ANKHD1: variants seen among roughly 807,000 people sequenced by gnomAD.
ANKHD1 encodes the protein ankyrin repeat and KH domain containing 1.
ANKHD1 carries 31 observed loss-of-function variants against 230.5 expected under a neutral mutation model. The observed-to-expected ratio is 0.13, with a 90% confidence interval of 0.10 to 0.18. The LOEUF is 0.18. Among genes scored for constraint, ANKHD1 ranks in the 10% least tolerant of loss-of-function variants. The probability of loss-of-function intolerance (pLI) is 1.00; values close to 1 mark genes in which losing one functional copy is unlikely to be tolerated. For missense variants in ANKHD1, 2,256 were observed against 3,071.3 expected (o/e 0.73, Z 6.27); for synonymous variants, 1,074 against 1,117.6 (o/e 0.96, Z 0.78).
intron 14 of ANKHD1, among the ~76,000 whole-genome samples, chr5:140,492,321 TG>T (rs1751844420): frequency 6.6e-6 from 1 of 152,208 alleles, no homozygotes; most frequent in Non-Finnish European, 1.5e-5. Context: ...TCTGTTAACA[TG>T]TAACACAGAT....
rs1561846599 is a variant in ANKHD1, at chr5:140,539,689, T to G, written c.*271T>G. The G allele has an allele frequency of 6.1e-6, 2 of 325,338 alleles. No homozygotes were observed. The highest frequency in any genetic ancestry group is 5.6e-6 in the Non-Finnish European group (1 of 178,782). 20.2% of individuals were successfully genotyped at this position (325,338 alleles called of 1,614,324 possible). On this transcript the variant is annotated 3_prime_UTR_variant, in exon 34 of 34. Coordinates refer to ENST00000360839, the MANE Select transcript of ANKHD1 (RefSeq NM_017747.3). ...TGTATGCAGAAGAGAATTAGTTGATTACATGTTTCAACCTTTTAGGGTGAT... is the reference window on the plus strand; with the variant it reads ...TGTATGCAGAAGAGAATTAGTTGATGACATGTTTCAACCTTTTAGGGTGAT...
intron 9 of ANKHD1, among the ~76,000 whole-genome samples, chr5:140,460,204 T>C (rs1775602759): frequency 6.6e-6 from 1 of 152,172 alleles, no homozygotes; most frequent in Non-Finnish European, 1.5e-5. Flanking sequence ...TATTTGTGCT[T>C]TATTATTAAG....
At chr5:140,415,978 C>T (rs1420968531) in intron 1 of ANKHD1, among the ~76,000 whole-genome samples, 1 of 152,100 alleles carries the variant, frequency 6.6e-6, no homozygotes, top group East Asian at 1.9e-4. Flanking sequence ...TGATGTTCCC[C>T]ACCCTGTGTC....
At chr5:140,429,125 G>A (rs374113814) in intron 1 of ANKHD1, among the ~76,000 whole-genome samples, 2 of 135,610 alleles carry the variant, frequency 1.5e-5, no homozygotes, top group South Asian at 2.3e-4. Context: ...ATGGAGTCTC[G>A]CTCTGTTGTC....
intron 7 of ANKHD1, among the ~76,000 whole-genome samples, chr5:140,455,854 G>C (rs1038002223): frequency 2.0e-5 from 3 of 152,186 alleles, no homozygotes; most frequent in Admixed American, 2.0e-4. Flanking sequence ...AGTGTTGGAA[G>C]TTCTGGCCAG....
chr5:140,539,185 A>G, intron 33 of ANKHD1, 102 bp downstream of exon 33: 7 of 1,511,428 alleles, frequency 4.6e-6, no homozygotes, highest in Non-Finnish European at 5.3e-6. Flanking sequence ...ATAATTGACC[A>G]TTTCGATCTG....
chr5:140,419,225 A>T (rs187554168), intron 1 of ANKHD1, among the ~76,000 whole-genome samples: 4 of 151,022 alleles, frequency 2.6e-5, no homozygotes, highest in African/African-American at 9.7e-5. Flanking sequence ...ATGATTAATG[A>T]TGTTGAGCAT....
intron 1 of ANKHD1, among the ~76,000 whole-genome samples, chr5:140,412,128 C>A (rs888487471): frequency 1.3e-5 from 2 of 152,160 alleles, no homozygotes; most frequent in African/African-American, 4.8e-5. Flanking sequence ...CCTCCGCCTC[C>A]TGGGTTCAGG....
At chr5:140,417,656 C>T (rs1170498205) in intron 1 of ANKHD1, among the ~76,000 whole-genome samples, 1 of 151,716 alleles carries the variant, frequency 6.6e-6, no homozygotes, top group Admixed American at 6.6e-5. Flanking sequence ...TGCCATGTTG[C>T]CCAGGCTGGT....
intron 1 of ANKHD1, among the ~76,000 whole-genome samples, chr5:140,419,792 T>TCTTTCTTTCTTTCTC: frequency 1.6e-5 from 1 of 61,244 alleles, no homozygotes; most frequent in East Asian, 6.9e-4. Context: ...CTTTCTTTCT[T>TCTTTCTTTCTTTCTC]TCTTTCTTTC....
At chr5:140,410,728 T>C (rs1770860402) in intron 1 of ANKHD1, among the ~76,000 whole-genome samples, 1 of 152,212 alleles carries the variant, frequency 6.6e-6, no homozygotes, top group Non-Finnish European at 1.5e-5. Flanking sequence ...GATAATCCTA[T>C]CTCATCTCAT....
Position 140,537,544 on chromosome 5 carries a change from G to A in ANKHD1, c.7183G>A (p.Val2395Ile), listed in dbSNP as rs375025690. The A allele has an allele frequency of 2.7e-5, 43 of 1,609,054 alleles. No individual in the cohort carries two copies. The highest frequency in any genetic ancestry group is 8.0e-5 in the African/African-American group (6 of 74,828). ...GGCGGGGACCAGTTTTGTCGCTCCC[G>A]TTGGACACAGTGGAATCTGGTCATT... ...APAGTSFVAP[V>I]GHSGIWSFGV... The change falls in exon 31 of 34, where the codon GTT (valine) becomes ATT (isoleucine). Residue 2395 changes from valine (V) to isoleucine (I), a missense_variant. By Grantham distance (29) the Val-to-Ile change is conservative. This residue lies in a region of ANKHD1 where 778 missense variants were observed against 966.5 expected (regional missense o/e 0.80). Coordinates refer to ENST00000360839, the MANE Select transcript of ANKHD1 (RefSeq NM_017747.3).
At chr5:140,423,861 A>G (rs1772182929) in intron 1 of ANKHD1, among the ~76,000 whole-genome samples, 1 of 152,174 alleles carries the variant, frequency 6.6e-6, no homozygotes, top group Non-Finnish European at 1.5e-5. Flanking sequence ...CTGAGTCATT[A>G]GGACTTCTCA....
intron 3 of ANKHD1, 40 bp downstream of exon 3, chr5:140,438,657 G>C: frequency 1.3e-6 from 2 of 1,492,862 alleles, no homozygotes; most frequent in Non-Finnish European, 9.0e-7. Flanking sequence ...ACATTTTCTT[G>C]AATAGATTTT....
rs150774143 is a variant in ANKHD1, at chr5:140,433,358, C to T, written c.307-2746C>T. ...GGAATTACAGGCATGAGCCACCACA[C>T]CCAGCCTCCAAGCCTATTTTTTATT... On this transcript the variant is annotated intron_variant, in intron 1 of 33. Transcript: ENST00000360839. 2.7e-3 allele frequency among the ~76,000 whole-genome samples: 410 copies of T among 152,338 alleles called. 1 individual carries two copies. The highest frequency in any genetic ancestry group is 9.4e-3 in the African/African-American group (389 of 41,578).
intron 4 of ANKHD1, 140 bp downstream of exon 4, chr5:140,440,406 T>G (rs1181074264): frequency 7.8e-7 from 1 of 1,282,946 alleles, no homozygotes; most frequent in Non-Finnish European, 1.0e-6. Flanking sequence ...TGGTAGTGGG[T>G]AAAGTAGAAA....
chr5:140,461,059 TTTTTAAAAGAAGGA>T (rs1775667949), intron 9 of ANKHD1, among the ~76,000 whole-genome samples: 2 of 152,206 alleles, frequency 1.3e-5, no homozygotes, highest in South Asian at 2.1e-4. Flanking sequence ...TTGTAACGTG[TTTTTAAAAGAAGGA>T]ATAAATGTTT....
intron 15 of ANKHD1, among the ~76,000 whole-genome samples, chr5:140,503,677 C>T (rs544180361): frequency 1.3e-4 from 19 of 144,460 alleles, no homozygotes; most frequent in Admixed American, 5.8e-4. Context: ...AAGCGATTCT[C>T]CTGGCTCAGC....
At position 140,510,004 on chromosome 5, in the gene ANKHD1, A is replaced by G. The variant is rs756660919; in HGVS notation, c.3942-15A>G. 6 of 1,598,922 alleles carry G rather than the reference A, an allele frequency of 3.8e-6. No homozygotes were observed. The Admixed American group carries it at 1.1e-4, about 28-fold the overall frequency. ...TTCTTACAGGAAACAAACTATTAATATGCCTTGTTTACAGGGGAGCCCACA... is the reference window on the plus strand; with the variant it reads ...TTCTTACAGGAAACAAACTATTAATGTGCCTTGTTTACAGGGGAGCCCACA... On this transcript the variant is annotated splice_polypyrimidine_tract_variant and intron_variant, in intron 21 of 33. Transcript: ENST00000360839.
Sources: gnomAD v4.1 joint callset for allele counts (sites outside exome capture counted in the v4.1 genomes callset) on GRCh38, gnomAD v4.1.1 for gene constraint, gnomAD v4.1.1 regional missense constraint, MANE v1.5 for transcripts, NCBI Gene and HGNC (gene_info 2026-07-23, HGNC 2026-07-21) for gene names.